Variants in PANK1 observed in about 807,000 individuals in gnomAD.
PANK1 encodes the protein pantothenate kinase 1.
PANK1 carries 18 observed loss-of-function variants against 40.1 expected under a neutral mutation model. That is an observed-to-expected ratio of 0.45 (90% CI 0.31 to 0.67). PANK1 has a LOEUF of 0.67. PANK1 is among the 30% of genes least tolerant of loss of function. The pLI, the probability that PANK1 is intolerant of heterozygous loss-of-function variation, is 0.06. For synonymous variants in PANK1, 242 were observed against 237.7 expected, an observed-to-expected ratio of 1.02 and a Z score of -0.17; for missense variants, 457 against 599.6, an observed-to-expected ratio of 0.76 and a Z score of 2.48.
rs768411508 is a variant in PANK1 at position 89,584,439 on chromosome 10, C to G, written c.1353G>C (p.Leu451=). Residue 451 remains leucine (L), a synonymous_variant, in exon 7 of 7, where the codon CTG becomes CTC. Coordinates refer to ENST00000307534, the MANE Select transcript of PANK1 (RefSeq NM_148977.3). ...CATCAGTCATTTTGAACAGTTCCAACAGTGCCCCAACGGCTCCAAAATAAC... is the reference window on the plus strand; with the variant it reads ...CATCAGTCATTTTGAACAGTTCCAAGAGTGCCCCAACGGCTCCAAAATAAC... The part of the protein sequence containing the change: ...HEGYFGAVGA[L]LELFKMTDDK 7.5e-6 allele frequency: 12 copies of G among 1,609,506 alleles called. No homozygotes were observed. Among genetic ancestry groups the G allele is most frequent in the Non-Finnish European group, 6.8e-6 (8 of 1,175,810 alleles).
intron 6 of PANK1, among the ~76,000 whole-genome samples, chr10:89,587,080 G>A (rs34502193): frequency 0.072 from 10,984 of 151,530 alleles, 535 homozygotes; most frequent in Non-Finnish European, 0.1. Flanking sequence ...CCAAGATTGC[G>A]CCACTGCACT....
intron 3 of PANK1, among the ~76,000 whole-genome samples, chr10:89,595,332 T>G (rs903706460): frequency 6.6e-5 from 10 of 151,708 alleles, no homozygotes; most frequent in Non-Finnish European, 5.9e-5. Flanking sequence ...ACACCTGTAA[T>G]CCAAGCTACT....
chr10:89,600,602 C>T (rs1000346113), intron 2 of PANK1, among the ~76,000 whole-genome samples: 1 of 152,066 alleles, frequency 6.6e-6, no homozygotes, highest in Non-Finnish European at 1.5e-5. Flanking sequence ...CTGGGGTGGT[C>T]CCCAAGTGCC....
rs778817390 is a variant in PANK1, at chr10:89,611,880, AC to A, written c.460del (p.Val154SerfsTer5). The A allele has an allele frequency of 6.2e-7, 1 of 1,614,182 alleles. No homozygotes were observed. Among genetic ancestry groups the A allele is most frequent in the South Asian group, 1.1e-5 (1 of 91,076 alleles). ...GGTCAGGTTTTTCAGTTCCAGGTGG[AC>A]GTCTCGGATCCCAGTTTTCCCATAA... ...TAYGKTGIRD[V>X]HLELKNLTMC... On this transcript the variant is annotated frameshift_variant, in exon 2 of 7. Coordinates refer to ENST00000307534, the MANE Select transcript of PANK1 (RefSeq NM_148977.3). LOFTEE classifies it high-confidence loss of function.
At chr10:89,628,872 T>C (rs1263125176) in intron 1 of PANK1, among the ~76,000 whole-genome samples, 1 of 152,236 alleles carries the variant, frequency 6.6e-6, no homozygotes, top group Non-Finnish European at 1.5e-5. Context: ...TGTACATTGA[T>C]GTCCTCAGGA....
intron 5 of PANK1, among the ~76,000 whole-genome samples, chr10:89,590,974 C>T (rs916564371): frequency 7.2e-5 from 11 of 152,088 alleles, no homozygotes; most frequent in African/African-American, 2.7e-4. Flanking sequence ...TTAATGATTG[C>T]AGAATCTGCA....
At chr10:89,596,628 A>G (rs1465915738) in intron 3 of PANK1, among the ~76,000 whole-genome samples, 1 of 152,256 alleles carries the variant, frequency 6.6e-6, no homozygotes, top group East Asian at 1.9e-4. Context: ...AATCAGATGC[A>G]TCTGTTTGTT....
At chr10:89,635,712 G>A (rs1841784433) in intron 1 of PANK1, among the ~76,000 whole-genome samples, 1 of 152,142 alleles carries the variant, frequency 6.6e-6, no homozygotes, top group African/African-American at 2.4e-5. Flanking sequence ...TGAGATTCAA[G>A]GCAGGATTCA....
intron 1 of PANK1, among the ~76,000 whole-genome samples, chr10:89,639,921 G>A (rs1179756333): frequency 1.3e-5 from 2 of 152,196 alleles, no homozygotes; most frequent in Non-Finnish European, 2.9e-5. Flanking sequence ...TTTTGCCAAA[G>A]GTGTACAGAT....
At chr10:89,630,316 C>A (rs1841598034) in intron 1 of PANK1, among the ~76,000 whole-genome samples, 2 of 152,292 alleles carry the variant, frequency 1.3e-5, no homozygotes, top group East Asian at 3.9e-4. Context: ...AACATTATAT[C>A]AATTAACATT....
rs971450588 is a variant in PANK1, at chr10:89,601,751, T to C, written c.646-2246A>G. 6.6e-5 allele frequency among the ~76,000 whole-genome samples: 10 copies of C among 152,232 alleles called. No individual in the cohort carries two copies. In the East Asian group the frequency reaches 1.9e-3, roughly 29 times the overall value. On this transcript the variant is annotated intron_variant, in intron 2 of 6. Transcript: ENST00000307534. Reference sequence around the variant, plus strand: ...TCATAAATGGTTCTAAACATTTCTTTTTTTACCAAGTGAAACTTCTGTATG... The same window carrying C: ...TCATAAATGGTTCTAAACATTTCTTCTTTTACCAAGTGAAACTTCTGTATG...
At position 89,583,856 on chromosome 10, in the gene PANK1, T is replaced by A. The variant is rs1844110072; in HGVS notation, c.*550A>T. 1 of 152,568 alleles carries A rather than the reference T, an allele frequency of 6.6e-6. No homozygotes were observed. The highest frequency in any genetic ancestry group is 1.5e-5 in the Non-Finnish European group (1 of 68,152). The allele number at this position is 152,568 out of a possible 1,614,324, so 9.5% of individuals were successfully genotyped here. On this transcript the variant is annotated 3_prime_UTR_variant, in exon 7 of 7. Coordinates refer to ENST00000307534, the MANE Select transcript of PANK1 (RefSeq NM_148977.3). ...GGACAGAAACAGAGGGAACGACTCT[T>A]TTTTCAGAAGACAACTAAAACAGAA... is the stretch of plus-strand genomic sequence containing the variant.
At chr10:89,632,270 A>T (rs1016195374) in intron 1 of PANK1, among the ~76,000 whole-genome samples, 3 of 152,174 alleles carry the variant, frequency 2.0e-5, no homozygotes, top group Non-Finnish European at 4.4e-5. Flanking sequence ...CATGAGTCTG[A>T]ATTTGGGAAG....
chr10:89,584,311 G>T lies in PANK1; in HGVS notation c.*95C>A. 1 of 767,274 alleles carries T rather than the reference G, an allele frequency of 1.3e-6. No homozygotes were observed. The highest frequency in any genetic ancestry group is 1.7e-5 in the African/African-American group (1 of 58,188). 47.5% of individuals were successfully genotyped at this position (767,274 alleles called of 1,614,324 possible). A position where few individuals can be genotyped will look rare whatever the true frequency, so the allele number is the denominator to read the frequency against. ...TCCAGCAGGTTCATCTGCCATAATG[G>T]CTTGGCTTCCGTCCCAAAGCGACTT... On this transcript the variant is annotated 3_prime_UTR_variant, in exon 7 of 7. Transcript: ENST00000307534.
chr10:89,631,974 G>GT (rs201457497), intron 1 of PANK1, among the ~76,000 whole-genome samples: 4,613 of 78,456 alleles, frequency 0.059, 324 homozygotes, highest in East Asian at 0.41. Context: ...GTGTGTGTGT[G>GT]TGTTTTTTTT....
intron 1 of PANK1, among the ~76,000 whole-genome samples, chr10:89,643,462 A>G (rs1254127547): frequency 6.6e-6 from 1 of 152,228 alleles, no homozygotes; most frequent in Admixed American, 6.5e-5. Flanking sequence ...CCCACAAAAT[A>G]CAAGTACCAG....
chr10:89,619,363 A>AT, intron 1 of PANK1, among the ~76,000 whole-genome samples: 2 of 152,350 alleles, frequency 1.3e-5, no homozygotes, highest in South Asian at 4.1e-4. Flanking sequence ...AATAGCCTAA[A>AT]TGAGCAAAGA....
rs764792854 is a variant in PANK1, at chr10:89,645,026, G to A, written c.-135C>T. The A allele has an allele frequency of 1.9e-6, 3 of 1,566,288 alleles. No individual in the cohort carries two copies. The highest frequency in any genetic ancestry group is 3.7e-5 in the Admixed American group (2 of 53,978). On this transcript the variant is annotated 5_prime_UTR_variant, in exon 1 of 7. Transcript: ENST00000307534. Reference sequence around the variant, plus strand: ...AGCCGCAGAGCCGGCGCCTGGGGATGGCGAACCCGGCGCTCCTCCCCTCCT... The same window carrying A: ...AGCCGCAGAGCCGGCGCCTGGGGATAGCGAACCCGGCGCTCCTCCCCTCCT...
Position 89,644,613 on chromosome 10 carries a change from T to C in PANK1, c.279A>G (p.Arg93=). The change falls in exon 1 of 7, where the codon AGA becomes AGG. Residue 93 remains arginine (R), a synonymous_variant. Transcript: ENST00000307534. The part of the protein sequence containing the change: ...CRLRRRMDSG[R]KNRPPFPWFG... ...AGCGGGACTTACGCGGCCTGTTCTT[T>C]CTCCCCGAGTCCATCCTCCTCCGCA... 1 of 1,588,904 alleles carries C rather than the reference T, an allele frequency of 6.3e-7. No individual in the cohort carries two copies.
Sources: gnomAD v4.1 joint callset for allele counts (sites outside exome capture counted in the v4.1 genomes callset) on GRCh38, gnomAD v4.1.1 for gene constraint, MANE v1.5 for transcripts, NCBI Gene and HGNC (gene_info 2026-07-23, HGNC 2026-07-21) for gene names.